ADK: variants seen among roughly 807,000 people sequenced by gnomAD.
ADK encodes the protein N6,N6-dimethyladenosine kinase.
Under a neutral mutation model 44.7 loss-of-function variants are expected in ADK, and 24 were observed. The observed-to-expected ratio is 0.54, with a 90% CI of 0.39 to 0.76. The LOEUF (loss-of-function observed/expected upper bound fraction) is 0.76. Among genes scored for constraint, ADK ranks in the 30% least tolerant of loss-of-function variants. The pLI, the probability that ADK is intolerant of heterozygous loss-of-function variation, is 0.00. For synonymous variants in ADK, 128 were observed against 142.6 expected, an observed-to-expected ratio of 0.90 and a Z score of 0.73; for missense variants, 321 against 425.1, an observed-to-expected ratio of 0.76 and a Z score of 2.15.
intron 4 of ADK, among the ~76,000 whole-genome samples, chr10:74,360,946 C>T (rs1284316723): frequency 6.6e-6 from 1 of 152,140 alleles, no homozygotes; most frequent in Non-Finnish European, 1.5e-5. Flanking sequence ...CTCACTCTGT[C>T]CCCCATGCTG....
At chr10:74,444,524 C>A (rs1195149915) in intron 6 of ADK, among the ~76,000 whole-genome samples, 1 of 151,972 alleles carries the variant, frequency 6.6e-6, no homozygotes, top group East Asian at 1.9e-4. Flanking sequence ...TAGAGTATTT[C>A]GAAGTGTTTA....
At chr10:74,604,870 A>C (rs552735237) in intron 9 of ADK, among the ~76,000 whole-genome samples, 15 of 152,244 alleles carry the variant, frequency 9.9e-5, no homozygotes, top group African/African-American at 3.1e-4. Context: ...TATTCTTCCT[A>C]TCCGTGAGCA....
chr10:74,295,298 C>T (rs963624830), intron 3 of ADK, among the ~76,000 whole-genome samples: 2 of 151,522 alleles, frequency 1.3e-5, no homozygotes, highest in African/African-American at 4.8e-5. Flanking sequence ...CCCGTTTCTA[C>T]TAAAAATACA....
At chr10:74,294,933 G>A (rs964029625) in intron 3 of ADK, among the ~76,000 whole-genome samples, 5 of 152,124 alleles carry the variant, frequency 3.3e-5, no homozygotes, top group African/African-American at 1.2e-4. Context: ...TCGGCTCACT[G>A]CAGCCTCCGC....
chr10:74,473,722 T>A (rs1589146714), intron 6 of ADK, among the ~76,000 whole-genome samples: 1 of 152,346 alleles, frequency 6.6e-6, no homozygotes, highest in Admixed American at 6.5e-5. Context: ...AGTGTGAACC[T>A]TGAACATCAA....
At chr10:74,706,656 T>G (rs1331256782) in intron 10 of ADK, among the ~76,000 whole-genome samples, 2 of 152,242 alleles carry the variant, frequency 1.3e-5, no homozygotes, top group Non-Finnish European at 2.9e-5. Context: ...TATAATAAAT[T>G]TTGAAATCAG....
rs970677680 is a variant in ADK at position 74,413,452 on chromosome 10, G to A, written c.555+14873G>A. 3.3e-5 allele frequency among the ~76,000 whole-genome samples: 5 copies of A among 152,190 alleles called. No homozygotes were observed. In the East Asian group the frequency reaches 7.7e-4, roughly 23 times the overall value. Reference sequence around the variant, plus strand: ...TTTTACCTTGCACTTTTATGATATGGAGATTGCTTCTTTCTTTCAACCTCA... The same window carrying A: ...TTTTACCTTGCACTTTTATGATATGAAGATTGCTTCTTTCTTTCAACCTCA... On this transcript the variant is annotated intron_variant, in intron 6 of 10. Transcript: ENST00000539909.
At chr10:74,571,832 G>T (rs1182326265) in intron 7 of ADK, among the ~76,000 whole-genome samples, 1 of 152,094 alleles carries the variant, frequency 6.6e-6, no homozygotes, top group East Asian at 1.9e-4. Flanking sequence ...GCTAGCTTTT[G>T]AATGTGTTTG....
At chr10:74,185,152 A>T (rs1842700696) in intron 1 of ADK, among the ~76,000 whole-genome samples, 1 of 152,248 alleles carries the variant, frequency 6.6e-6, no homozygotes, top group African/African-American at 2.4e-5. Flanking sequence ...AGTGTTAGTC[A>T]TGTCACACAT....
intron 5 of ADK, among the ~76,000 whole-genome samples, chr10:74,398,046 G>A (rs1843580081): frequency 6.6e-6 from 1 of 152,006 alleles, no homozygotes; most frequent in East Asian, 1.9e-4. Flanking sequence ...GCTTTTAAAG[G>A]CTTCGATTAA....
chr10:74,175,135 G>T (rs1475598076), intron 1 of ADK, among the ~76,000 whole-genome samples: 1 of 152,106 alleles, frequency 6.6e-6, no homozygotes, highest in Non-Finnish European at 1.5e-5. Context: ...GTTGGCTCAC[G>T]CCTGGAAGGC....
intron 1 of ADK, among the ~76,000 whole-genome samples, chr10:74,199,141 T>A (rs373031504): frequency 6.6e-6 from 1 of 152,190 alleles, no homozygotes; most frequent in South Asian, 2.1e-4. Context: ...GTCATTTTTT[T>A]GTGAAGGGTA....
intron 9 of ADK, among the ~76,000 whole-genome samples, chr10:74,634,955 A>G (rs1026073017): frequency 1.3e-5 from 2 of 152,166 alleles, no homozygotes; most frequent in Non-Finnish European, 2.9e-5. Context: ...CAGAAAAAAA[A>G]CCCACAAAAA....
intron 4 of ADK, among the ~76,000 whole-genome samples, chr10:74,353,346 G>C (rs141731597): frequency 0.013 from 1,926 of 152,138 alleles, 46 homozygotes; most frequent in African/African-American, 0.044. Context: ...TAATAAGTGG[G>C]AGTTGAACAA....
intron 9 of ADK, among the ~76,000 whole-genome samples, chr10:74,611,942 G>A (rs1186745012): frequency 6.6e-6 from 1 of 152,144 alleles, no homozygotes; most frequent in African/African-American, 2.4e-5. Flanking sequence ...ACATAAGAAT[G>A]CAGGTATCTT....
rs796180581 is a variant in ADK at position 74,578,807 on chromosome 10, G to C, written c.727-10475G>C. ...TAAAGGAGGATTCAGAACTGAGTAG[G>C]TAATTCTTCAGAGCATGTCAAATGT... is the stretch of plus-strand genomic sequence containing the variant. On this transcript the variant is annotated intron_variant, in intron 7 of 10. Transcript: ENST00000539909. Among the ~76,000 whole-genome samples the C allele has an allele frequency of 5.9e-5, 9 of 152,138 alleles. No homozygotes were observed. The South Asian group carries it at 1.9e-3, about 32-fold the overall frequency.
intron 7 of ADK, among the ~76,000 whole-genome samples, chr10:74,582,032 G>A (rs915381572): frequency 6.6e-5 from 10 of 152,062 alleles, no homozygotes; most frequent in Non-Finnish European, 1.0e-4. Context: ...TAGGGGTTTC[G>A]TGAGAATCCA....
At position 74,604,795 on chromosome 10, in the gene ADK, T is replaced by C. The variant is rs549321852; in HGVS notation, c.877+4302T>C. On this transcript the variant is annotated intron_variant, in intron 9 of 10. Coordinates refer to ENST00000539909, the MANE Select transcript of ADK (RefSeq NM_006721.4). ...TCTCTAATTCTGTGAAGAAAGTCAA[T>C]GGTAGCTTGATGGGGAAAGCATTGA... is the stretch of plus-strand genomic sequence containing the variant. 2.6e-5 allele frequency among the ~76,000 whole-genome samples: 4 copies of C among 152,296 alleles called. No homozygotes were observed. The East Asian group carries it at 7.7e-4, about 29-fold the overall frequency.
intron 10 of ADK, among the ~76,000 whole-genome samples, chr10:74,680,155 A>G (rs1418118195): frequency 6.6e-6 from 1 of 151,960 alleles, no homozygotes; most frequent in Admixed American, 6.6e-5. Context: ...TCTACTAAAA[A>G]TACAAAAAAA....
Sources: allele counts gnomAD v4.1 joint callset (sites outside exome capture counted in the v4.1 genomes callset), GRCh38; gene constraint gnomAD v4.1.1; transcripts MANE v1.5; gene names NCBI Gene and HGNC (gene_info 2026-07-23, HGNC 2026-07-21).